The following NIPAL1 variants were observed in gnomAD, a reference collection of about 807,000 sequenced individuals.
NIPAL1 encodes the protein magnesium transporter NIPA3.
NIPAL1 carries 35 observed loss-of-function variants against 37.7 expected under a neutral mutation model. The observed-to-expected ratio is 0.93, with a 90% CI of 0.71 to 1.23. The LOEUF (loss-of-function observed/expected upper bound fraction) is 1.23. NIPAL1 is among the 50% of genes most tolerant of loss of function. The probability of loss-of-function intolerance (pLI) is 0.00; values close to 1 mark genes in which losing one functional copy is unlikely to be tolerated. For missense variants in NIPAL1, 412 were observed against 473.9 expected, an observed-to-expected ratio of 0.87 and a Z score of 1.21; for synonymous variants, 162 against 183.0, an observed-to-expected ratio of 0.89 and a Z score of 0.93.
rs545919534 is a variant in NIPAL1, at chr4:48,016,870, G to A, written c.31G>A (p.Glu11Lys). ...GGCACAGGTGAGGCTGCCGCCCGGA[G>A]AGCCCTGCCGAGAAGGTTTGTGTCT... MGAQVRLPPGEPCREGYVLSL... is the reference protein window; with the variant it reads MGAQVRLPPGKPCREGYVLSL... The change falls in exon 1 of 6, where the codon GAG (glutamate) becomes AAG (lysine). Residue 11 changes from glutamate to lysine, a missense_variant. Coordinates refer to ENST00000295461, the MANE Select transcript of NIPAL1 (RefSeq NM_207330.3). 1 of 1,595,086 alleles carries A rather than the reference G, an allele frequency of 6.3e-7. No individual in the cohort carries two copies. The highest frequency in any genetic ancestry group is 2.3e-5 in the East Asian group (1 of 44,098).
chr4:48,028,966 TG>T (rs1414595676), intron 2 of NIPAL1, among the ~76,000 whole-genome samples: 1 of 152,206 alleles, frequency 6.6e-6, no homozygotes, highest in Non-Finnish European at 1.5e-5. Flanking sequence ...ACTCTGTTGG[TG>T]GGGATGTAAA....
Position 48,034,904 on chromosome 4 carries a change from T to C in NIPAL1, c.485T>C (p.Leu162Ser). ...AGTGCAATATTATCTTCCTACTTTT[T>C]AAACGAGCACTTGAACATTCATGGG... ...LISAILSSYF[L>S]NEHLNIHGKI... The change falls in exon 5 of 6, where the codon TTA becomes TCA. Residue 162 changes from leucine to serine, a missense_variant. Leu to Ser is a moderately radical substitution (Grantham distance 145). Transcript: ENST00000295461. The C allele has an allele frequency of 6.2e-7, 1 of 1,613,322 alleles. No homozygotes were observed. The highest frequency in any genetic ancestry group is 1.1e-5 in the South Asian group (1 of 91,032).
chr4:48,019,571 T>C (rs1392302103), intron 1 of NIPAL1, among the ~76,000 whole-genome samples: 1 of 152,140 alleles, frequency 6.6e-6, no homozygotes, highest in Non-Finnish European at 1.5e-5. Context: ...CAGCACTCTG[T>C]AACAGGCTCA....
Position 48,036,811 on chromosome 4 carries a change from C to T in NIPAL1, c.*639C>T, listed in dbSNP as rs1715958101. On this transcript the variant is annotated 3_prime_UTR_variant, in exon 6 of 6. Transcript: ENST00000295461. Reference sequence around the variant, plus strand: ...GGCGTGGTGGCACATGCCTGTAGTTCCAGCCACCCGGGAGCCTGAGGTGGG... The same window carrying T: ...GGCGTGGTGGCACATGCCTGTAGTTTCAGCCACCCGGGAGCCTGAGGTGGG... 1 of 152,952 alleles carries T rather than the reference C, an allele frequency of 6.5e-6. No homozygotes were observed. The highest frequency in any genetic ancestry group is 2.4e-5 in the African/African-American group (1 of 41,422). 9.5% of individuals were successfully genotyped at this position (152,952 alleles called of 1,614,324 possible).
chr4:48,022,860 T>C (rs182830844), intron 1 of NIPAL1, among the ~76,000 whole-genome samples: 26 of 151,902 alleles, frequency 1.7e-4, no homozygotes, highest in Non-Finnish European at 3.1e-4. Context: ...TGGTGGTGCA[T>C]GCCTGTGGTT....
chr4:48,020,204 A>G (rs759376479), intron 1 of NIPAL1, among the ~76,000 whole-genome samples: 2 of 152,178 alleles, frequency 1.3e-5, no homozygotes, highest in African/African-American at 2.4e-5. Flanking sequence ...AGGGAGAGTA[A>G]TGCAATATGA....
intron 4 of NIPAL1, among the ~76,000 whole-genome samples, chr4:48,033,630 G>A (rs907753334): frequency 6.6e-6 from 1 of 152,064 alleles, no homozygotes; most frequent in Non-Finnish European, 1.5e-5. Context: ...ATTGTTTGCT[G>A]GATACTTCTG....
rs993993140 is a variant in NIPAL1 at position 48,038,319 on chromosome 4, T to G, written c.*2147T>G. On this transcript the variant is annotated 3_prime_UTR_variant, in exon 6 of 6. Transcript: ENST00000295461. ...ATTGCTGTTTCACTTTACTTGTATA[T>G]CAGATATATAAGCTATGAACACAAG... The G allele has an allele frequency of 1.3e-5, 2 of 152,200 alleles. No individual in the cohort carries two copies. The highest frequency in any genetic ancestry group is 2.9e-5 in the Non-Finnish European group (2 of 68,038). 9.4% of individuals were successfully genotyped at this position (152,200 alleles called of 1,614,324 possible).
chr4:48,027,871 A>G lies in NIPAL1; in HGVS notation c.314-2249A>G, dbSNP rs957357684. ...TGTTATTCTCTCATTGACTAATCCA[A>G]ACTCTCAAAAGCTCTTATGTCAACC... is the stretch of plus-strand genomic sequence containing the variant. On this transcript the variant is annotated intron_variant, in intron 2 of 5. Transcript: ENST00000295461. This position sits in a 1 kb window ranked among gnomAD's most constrained non-coding sequence, Gnocchi z 4.1. Among the ~76,000 whole-genome samples the G allele has an allele frequency of 1.3e-5, 2 of 152,216 alleles. No individual in the cohort carries two copies. The highest frequency in any genetic ancestry group is 4.8e-5 in the African/African-American group (2 of 41,460).
intron 1 of NIPAL1, among the ~76,000 whole-genome samples, chr4:48,023,975 CTTTTTTT>C (rs11329586): frequency 9.3e-6 from 1 of 107,792 alleles, no homozygotes. Context: ...CAGATTTCTT[CTTTTTTT>C]TTTTTTTTTT....
intron 2 of NIPAL1, among the ~76,000 whole-genome samples, chr4:48,026,506 A>T (rs1270971837): frequency 6.6e-6 from 1 of 152,210 alleles, no homozygotes; most frequent in Non-Finnish European, 1.5e-5. Context: ...CAAAATCATA[A>T]CAGATAATTT....
chr4:48,019,222 A>G (rs1715518418), intron 1 of NIPAL1, among the ~76,000 whole-genome samples: 1 of 152,194 alleles, frequency 6.6e-6, no homozygotes, highest in Admixed American at 6.5e-5. Flanking sequence ...TGTGTTGACC[A>G]GGCTGGTCTT....
At chr4:48,034,305 G>A (rs1283581457) in intron 4 of NIPAL1, among the ~76,000 whole-genome samples, 1 of 151,496 alleles carries the variant, frequency 6.6e-6, no homozygotes, top group African/African-American at 2.4e-5. Flanking sequence ...AAAATATTAT[G>A]AGTTTTTTTT....
rs1715727580 is a variant in NIPAL1 at position 48,027,944 on chromosome 4, T to A, written c.314-2176T>A. Among the ~76,000 whole-genome samples the A allele has an allele frequency of 6.6e-6, 1 of 152,248 alleles. No individual in the cohort carries two copies. The highest frequency in any genetic ancestry group is 2.4e-5 in the African/African-American group (1 of 41,468). On this transcript the variant is annotated intron_variant, in intron 2 of 5. Coordinates refer to ENST00000295461, the MANE Select transcript of NIPAL1 (RefSeq NM_207330.3). This position sits in a 1 kb window ranked among gnomAD's most constrained non-coding sequence, Gnocchi z 4.1. ...CATTACTACCAATGTAATTTACTAT[T>A]TATGTTTTCTGTTTTTAATTTTAAC...
At chr4:48,034,357 A>G (rs921253559) in intron 4 of NIPAL1, among the ~76,000 whole-genome samples, 1 of 151,676 alleles carries the variant, frequency 6.6e-6, no homozygotes. Context: ...CATTACTGTT[A>G]CTGTATATTA....
chr4:48,031,374 T>G (rs917291089), intron 3 of NIPAL1, among the ~76,000 whole-genome samples: 1 of 152,172 alleles, frequency 6.6e-6, no homozygotes, highest in Admixed American at 6.5e-5. Context: ...CCTTCAGTTT[T>G]TAGGGTGCTT....
In NIPAL1 at chr4:48,038,304, C is replaced by G. The variant is rs1560327044; in HGVS notation, c.*2132C>G. 1.3e-5 allele frequency: 2 copies of G among 152,154 alleles called. No homozygotes were observed. Among genetic ancestry groups the G allele is most frequent in the Admixed American group, 6.5e-5 (1 of 15,272 alleles). The allele number at this position is 152,154 out of a possible 1,614,324, so 9.4% of individuals were successfully genotyped here. ...GTGTTTACTCTGTTGATTGCTGTTTCACTTTACTTGTATATCAGATATATA... is the reference window on the plus strand; with the variant it reads ...GTGTTTACTCTGTTGATTGCTGTTTGACTTTACTTGTATATCAGATATATA... On this transcript the variant is annotated 3_prime_UTR_variant, in exon 6 of 6. Transcript: ENST00000295461.
At chr4:48,035,164 C>A (rs1366555537) in intron 5 of NIPAL1, 123 bp downstream of exon 5, 1 of 805,360 alleles carries the variant, frequency 1.2e-6, no homozygotes, top group African/African-American at 1.8e-5. Flanking sequence ...GGTTGTGAGA[C>A]ACAGTGAGGT....
rs971454487 is a variant in NIPAL1, at chr4:48,036,422, A to C, written c.*250A>C. Reference sequence around the variant, plus strand: ...GAAGTCAAAGAGCTATGTGTGTCTCAGAATAATCTCCTTCTTCTGGTCACA... The same window carrying C: ...GAAGTCAAAGAGCTATGTGTGTCTCCGAATAATCTCCTTCTTCTGGTCACA... On this transcript the variant is annotated 3_prime_UTR_variant, in exon 6 of 6. Coordinates refer to ENST00000295461, the MANE Select transcript of NIPAL1 (RefSeq NM_207330.3). 9.3e-6 allele frequency: 4 copies of C among 428,760 alleles called. No homozygotes were observed. The highest frequency in any genetic ancestry group is 8.5e-5 in the South Asian group (3 of 35,178). The allele number at this position is 428,760 out of a possible 1,614,324, so 26.6% of individuals were successfully genotyped here.
Sources: gnomAD v4.1 joint callset for allele counts (sites outside exome capture counted in the v4.1 genomes callset) on GRCh38, gnomAD v4.1.1 for gene constraint, Gnocchi (gnomAD v3.1) non-coding constraint, MANE v1.5 for transcripts, NCBI Gene and HGNC (gene_info 2026-07-23, HGNC 2026-07-21) for gene names.